COL19A1: variants seen among roughly 807,000 people sequenced by gnomAD.
COL19A1 encodes the protein collagen alpha-1(XIX) chain.
In COL19A1, 159 loss-of-function variants were observed where a neutral mutation model predicts 190.2. The ratio of observed to expected loss-of-function variants is 0.84; its 90% CI spans 0.73 to 0.95. COL19A1 has a LOEUF of 0.95. Among genes scored for constraint, COL19A1 ranks in the 40% least tolerant of loss-of-function variants. The probability of loss-of-function intolerance (pLI) is 0.00; values close to 1 mark genes in which losing one functional copy is unlikely to be tolerated. For missense variants in COL19A1, 1,418 were observed against 1,431.9 expected (o/e 0.99, Z 0.16); for synonymous variants, 509 against 458.9 (o/e 1.11, Z -1.39).
chr6:69,918,333 G>A (rs1771447476), intron 4 of COL19A1, among the ~76,000 whole-genome samples: 2 of 152,138 alleles, frequency 1.3e-5, no homozygotes, highest in East Asian at 1.9e-4. Flanking sequence ...AGAGATGGTG[G>A]CCGCTTGGGA....
chr6:70,202,856 G>A (rs887809977), intron 49 of COL19A1, among the ~76,000 whole-genome samples: 12 of 152,112 alleles, frequency 7.9e-5, no homozygotes, highest in Non-Finnish European at 7.4e-5. Context: ...GGTGATTGTC[G>A]ATGTCTTTTT....
intron 2 of COL19A1, among the ~76,000 whole-genome samples, chr6:69,888,379 A>G (rs752681302): frequency 3.0e-4 from 46 of 152,154 alleles, no homozygotes; most frequent in Non-Finnish European, 5.0e-4. Context: ...CCAGAGTCCA[A>G]TCCTAAGCCA....
At chr6:69,887,425 A>C (rs1769019316) in intron 2 of COL19A1, among the ~76,000 whole-genome samples, 1 of 152,184 alleles carries the variant, frequency 6.6e-6, no homozygotes, top group Non-Finnish European at 1.5e-5. Context: ...GATATTACAC[A>C]CACCAAAGTT....
At chr6:70,037,472 T>TA (rs879663668) in intron 14 of COL19A1, among the ~76,000 whole-genome samples, 48 of 147,720 alleles carry the variant, frequency 3.2e-4, no homozygotes, top group Admixed American at 6.8e-4. Context: ...TTTGTAGAAT[T>TA]AAAAAAAAAA....
chr6:70,151,479 G>T, intron 31 of COL19A1, 41 bp downstream of exon 31: 1 of 1,587,372 alleles, frequency 6.3e-7, no homozygotes, highest in East Asian at 2.2e-5. Context: ...TTAATTTCCA[G>T]GAAAAATTAG....
intron 18 of COL19A1, among the ~76,000 whole-genome samples, chr6:70,136,250 A>G (rs1210671049): frequency 1.3e-5 from 2 of 152,220 alleles, no homozygotes; most frequent in African/African-American, 4.8e-5. Context: ...TTAGGGCTGT[A>G]GTAAATTTAT....
chr6:70,201,672 A>C (rs766104798), intron 49 of COL19A1, among the ~76,000 whole-genome samples: 3 of 152,216 alleles, frequency 2.0e-5, no homozygotes, highest in Non-Finnish European at 4.4e-5. Context: ...CTTTCTTTTC[A>C]GTATTTGTTA....
intron 12 of COL19A1, among the ~76,000 whole-genome samples, chr6:70,030,683 AAAAAGAG>A (rs1337025238): frequency 1.3e-5 from 2 of 152,328 alleles, no homozygotes; most frequent in Admixed American, 6.5e-5. Flanking sequence ...TTACACAAGC[AAAAAGAG>A]AAAACCTTTT....
rs893962176 is a variant in COL19A1, at chr6:70,156,807, T to G, written c.2292+84T>G. 7.4e-6 allele frequency: 8 copies of G among 1,086,942 alleles called. No individual in the cohort carries two copies. In the African/African-American group the frequency reaches 1.1e-4, roughly 15 times the overall value. 67.3% of individuals were successfully genotyped at this position (1,086,942 alleles called of 1,614,324 possible). A position where few individuals can be genotyped will look rare whatever the true frequency, so the allele number is the denominator to read the frequency against. ...CAGAGTAAAAATGTTAATTTTTCTATAGCTCAGATCTGATGCTATAACCAA... is the reference window on the plus strand; with the variant it reads ...CAGAGTAAAAATGTTAATTTTTCTAGAGCTCAGATCTGATGCTATAACCAA... On this transcript the variant is annotated intron_variant, in intron 34 of 50. Transcript: ENST00000620364.
intron 14 of COL19A1, among the ~76,000 whole-genome samples, chr6:70,063,005 G>T (rs892432304): frequency 4.6e-5 from 7 of 152,106 alleles, no homozygotes; most frequent in Non-Finnish European, 1.0e-4. Flanking sequence ...CCTACAAAGA[G>T]CCTTAGACTC....
chr6:69,985,826 T>C (rs1669902896), intron 11 of COL19A1, among the ~76,000 whole-genome samples: 1 of 152,150 alleles, frequency 6.6e-6, no homozygotes, highest in African/African-American at 2.4e-5. Flanking sequence ...GTGTAATATA[T>C]ATCAGGGGAC....
chr6:70,035,293 C>G (rs185797518), intron 13 of COL19A1, among the ~76,000 whole-genome samples: 8 of 152,184 alleles, frequency 5.3e-5, no homozygotes, highest in African/African-American at 1.9e-4. Context: ...TTAGATGAAC[C>G]ATTTTTTAAA....
At chr6:69,938,792 C>T (rs1317120796) in intron 9 of COL19A1, among the ~76,000 whole-genome samples, 2 of 152,086 alleles carry the variant, frequency 1.3e-5, no homozygotes, top group Non-Finnish European at 2.9e-5. Context: ...ATTTGTCTTT[C>T]CCTTCTCCCA....
intron 15 of COL19A1, among the ~76,000 whole-genome samples, chr6:70,072,790 C>G (rs577376813): frequency 2.0e-5 from 3 of 152,094 alleles, no homozygotes; most frequent in South Asian, 4.1e-4. Context: ...TTTGCACCAG[C>G]CCACACTTGA....
At chr6:70,101,164 A>G (rs1783608873) in intron 15 of COL19A1, among the ~76,000 whole-genome samples, 1 of 152,300 alleles carries the variant, frequency 6.6e-6, no homozygotes, top group Non-Finnish European at 1.5e-5. Flanking sequence ...ATAAGTATCA[A>G]TAAGGCTTAA....
intron 4 of COL19A1, among the ~76,000 whole-genome samples, chr6:69,919,197 A>G (rs1278856443): frequency 6.6e-6 from 1 of 152,174 alleles, no homozygotes; most frequent in Non-Finnish European, 1.5e-5. Context: ...TTTGCTTCAT[A>G]GCAGTCCCCA....
chr6:70,036,907 A>T (rs193238549), intron 14 of COL19A1, among the ~76,000 whole-genome samples: 2 of 152,260 alleles, frequency 1.3e-5, no homozygotes, highest in Admixed American at 1.3e-4. Flanking sequence ...GTACTTAAAA[A>T]TCCCATTATG....
At position 70,188,156 on chromosome 6, in the gene COL19A1, G is replaced by C; in HGVS notation, c.2938G>C (p.Gly980Arg). ...CCTTACAGGCATGAAGGGGGCCATCGGTCCTATGGGTCCACCAGGAAACAA... is the reference window on the plus strand; with the variant it reads ...CCTTACAGGCATGAAGGGGGCCATCCGTCCTATGGGTCCACCAGGAAACAA... ...PGLTGMKGAI[G>R]PMGPPGNKGS... Residue 980 changes from glycine to arginine, a missense_variant, in exon 47 of 51, where the codon GGT (glycine) becomes CGT (arginine). Coordinates refer to ENST00000620364, the MANE Select transcript of COL19A1 (RefSeq NM_001858.6). 6.2e-7 allele frequency: 1 copy of C among 1,613,984 alleles called. No homozygotes were observed. The highest frequency in any genetic ancestry group is 8.5e-7 in the Non-Finnish European group (1 of 1,179,930).
intron 12 of COL19A1, among the ~76,000 whole-genome samples, chr6:70,028,811 A>G (rs1778865763): frequency 6.6e-6 from 1 of 152,294 alleles, no homozygotes; most frequent in East Asian, 1.9e-4. Flanking sequence ...AGGGACTATC[A>G]TACAGAAAGC....
Sources: gnomAD v4.1 joint callset for allele counts (sites outside exome capture counted in the v4.1 genomes callset) on GRCh38, gnomAD v4.1.1 for gene constraint, MANE v1.5 for transcripts, NCBI Gene and HGNC (gene_info 2026-07-23, HGNC 2026-07-21) for gene names.